The following TSHZ2 variants were observed in gnomAD, a reference collection of about 807,000 sequenced individuals.
TSHZ2 encodes the protein teashirt zinc finger homeobox 2, also known as teashirt homolog 2.
TSHZ2 carries 21 observed loss-of-function variants against 74.4 expected under a neutral mutation model. The observed-to-expected ratio is 0.28, with a 90% CI of 0.20 to 0.41. TSHZ2 has a LOEUF of 0.41. Ranked by LOEUF, TSHZ2 falls within the 10% of genes least tolerant of loss-of-function variation. The pLI is 1.00. For missense variants in TSHZ2, 1,244 were observed against 1,293.5 expected, an observed-to-expected ratio of 0.96 and a Z score of 0.59; for synonymous variants, 540 against 515.3, an observed-to-expected ratio of 1.05 and a Z score of -0.65.
intron 1 of TSHZ2, among the ~76,000 whole-genome samples, chr20:52,985,833 G>C (rs573624310): frequency 6.6e-6 from 1 of 152,294 alleles, no homozygotes; most frequent in Admixed American, 6.5e-5. Context: ...CAATTATGCA[G>C]TTTTAATGAG....
chr20:53,033,880 G>A (rs1161220471), intron 1 of TSHZ2, among the ~76,000 whole-genome samples: 2 of 151,666 alleles, frequency 1.3e-5, no homozygotes, highest in Non-Finnish European at 2.9e-5. Context: ...GGTTAGTCTC[G>A]AACTCCTGAC....
At chr20:53,444,899 T>C (rs1320234641) in intron 2 of TSHZ2, among the ~76,000 whole-genome samples, 1 of 152,208 alleles carries the variant, frequency 6.6e-6, no homozygotes, top group Non-Finnish European at 1.5e-5. Flanking sequence ...TTTTCTATTC[T>C]AAATCACTGT....
intron 1 of TSHZ2, among the ~76,000 whole-genome samples, chr20:53,072,328 C>T (rs532663376): frequency 6.6e-6 from 1 of 152,290 alleles, no homozygotes; most frequent in Admixed American, 6.5e-5. Flanking sequence ...CAAAGAGTAT[C>T]TTCAGGGTAT....
intron 1 of TSHZ2, among the ~76,000 whole-genome samples, chr20:53,229,901 AG>A (rs1989780554): frequency 1.5e-5 from 1 of 67,390 alleles, no homozygotes; most frequent in South Asian, 3.9e-4. Context: ...AGAGAGAGGG[AG>A]GGGAAAAAAA....
At chr20:53,165,270 G>A (rs1600720211) in intron 1 of TSHZ2, among the ~76,000 whole-genome samples, 1 of 152,210 alleles carries the variant, frequency 6.6e-6, no homozygotes, top group East Asian at 1.9e-4. Flanking sequence ...AGAGGCAAGT[G>A]TCACTAATTT....
chr20:53,310,607 C>G (rs575416616), intron 2 of TSHZ2, among the ~76,000 whole-genome samples: 2 of 152,102 alleles, frequency 1.3e-5, no homozygotes, highest in African/African-American at 4.8e-5. Flanking sequence ...TCTCACACAT[C>G]GATGGTAAAA....
At chr20:53,185,380 T>G in intron 1 of TSHZ2, 1 of 1,229,770 alleles carries the variant, frequency 8.1e-7, no homozygotes, top group Non-Finnish European at 1.0e-6. Context: ...AGCCTCTGAC[T>G]TAAGATGATG....
At chr20:53,322,885 C>T (rs749560918) in intron 2 of TSHZ2, among the ~76,000 whole-genome samples, 1 of 152,156 alleles carries the variant, frequency 6.6e-6, no homozygotes, top group African/African-American at 2.4e-5. Flanking sequence ...CTTCCTGGAG[C>T]CTCTGTGTTT....
rs568655213 is a variant in TSHZ2, at chr20:53,340,464, G to A, written c.*8+83893G>A. Among the ~76,000 whole-genome samples, 12 of 152,200 alleles carry A rather than the reference G, an allele frequency of 7.9e-5. No individual in the cohort carries two copies. In the East Asian group the frequency reaches 9.7e-4, roughly 12 times the overall value. ...CTCCCAAAGTGCTGGGATTACAGGC[G>A]TGAGCCACTGCACCTGGCTGCTAAA... is the stretch of plus-strand genomic sequence containing the variant. On this transcript the variant is annotated intron_variant, in intron 2 of 2. Transcript: ENST00000371497.
intron 1 of TSHZ2, among the ~76,000 whole-genome samples, chr20:53,133,515 T>A (rs1987162079): frequency 6.6e-6 from 1 of 152,156 alleles, no homozygotes; most frequent in Admixed American, 6.5e-5. Flanking sequence ...TCAAAGAAAA[T>A]CAAACCGCCA....
chr20:53,053,369 T>C (rs1984537896), intron 1 of TSHZ2, among the ~76,000 whole-genome samples: 2 of 152,188 alleles, frequency 1.3e-5, no homozygotes, highest in Admixed American at 1.3e-4. Context: ...ATCTGTAGCC[T>C]CATAACATTC....
intron 1 of TSHZ2, among the ~76,000 whole-genome samples, chr20:52,999,436 G>A (rs899483501): frequency 6.6e-6 from 1 of 152,244 alleles, no homozygotes; most frequent in Non-Finnish European, 1.5e-5. Context: ...TAGAGCCTTT[G>A]CCTCCTTCAT....
Position 53,020,857 on chromosome 20 carries a change from G to T in TSHZ2, c.40+47524G>T, listed in dbSNP as rs1416416444. On this transcript the variant is annotated intron_variant, in intron 1 of 2. Transcript: ENST00000371497. ...CACAGTCTTCCAATTAAGACCATAG[G>T]CTCCGGAAACAGACCTGAACTCCAA... is the stretch of plus-strand genomic sequence containing the variant. 5.3e-5 allele frequency among the ~76,000 whole-genome samples: 8 copies of T among 152,156 alleles called. 1 individual carries two copies. The highest frequency in any genetic ancestry group is 3.3e-4 in the Admixed American group (5 of 15,274).
intron 2 of TSHZ2, among the ~76,000 whole-genome samples, chr20:53,260,872 A>G (rs1990587538): frequency 6.6e-6 from 1 of 152,206 alleles, no homozygotes; most frequent in South Asian, 2.1e-4. Flanking sequence ...GCAACTTCTC[A>G]ACTCTAACTA....
intron 1 of TSHZ2, among the ~76,000 whole-genome samples, chr20:53,071,002 A>C (rs1985156479): frequency 6.6e-6 from 1 of 152,246 alleles, no homozygotes; most frequent in Non-Finnish European, 1.5e-5. Context: ...GGGATGGGGA[A>C]GTTTCAAAAC....
At chr20:53,031,457 C>G (rs1983636637) in intron 1 of TSHZ2, among the ~76,000 whole-genome samples, 1 of 152,140 alleles carries the variant, frequency 6.6e-6, no homozygotes, top group Admixed American at 6.5e-5. Context: ...AGTGAGACAA[C>G]AGTTGAAGAA....
intron 2 of TSHZ2, among the ~76,000 whole-genome samples, chr20:53,470,186 G>A (rs1042897063): frequency 1.3e-5 from 2 of 152,164 alleles, no homozygotes; most frequent in Non-Finnish European, 2.9e-5. Flanking sequence ...ACATCAGAAA[G>A]TGTTTTAAAA....
At chr20:53,055,521 AT>A (rs1399198643) in intron 1 of TSHZ2, among the ~76,000 whole-genome samples, 4 of 152,080 alleles carry the variant, frequency 2.6e-5, no homozygotes, top group Non-Finnish European at 5.9e-5. Context: ...GTTAGTTATA[AT>A]TTTTTTGCAT....
intron 1 of TSHZ2, among the ~76,000 whole-genome samples, chr20:53,144,687 G>T (rs1473724241): frequency 6.6e-6 from 1 of 152,132 alleles, no homozygotes; most frequent in Non-Finnish European, 1.5e-5. Context: ...TCATGGAGTT[G>T]AGATTTGAAC....
Sources: gnomAD v4.1 joint callset for allele counts (sites outside exome capture counted in the v4.1 genomes callset) on GRCh38, gnomAD v4.1.1 for gene constraint, MANE v1.5 for transcripts, NCBI Gene and HGNC (gene_info 2026-07-23, HGNC 2026-07-21) for gene names.